Variants in CRTAC1 observed in about 807,000 individuals in gnomAD.
The protein encoded by CRTAC1 is cartilage acidic protein 1.
Under a neutral mutation model 67.8 loss-of-function variants are expected in CRTAC1, and 37 were observed. That is an observed-to-expected ratio of 0.55 (90% confidence interval 0.42 to 0.72). The LOEUF (loss-of-function observed/expected upper bound fraction) is 0.72. CRTAC1 is among the 30% of genes least tolerant of loss of function. The pLI is 0.00. For synonymous variants in CRTAC1, 348 were observed against 371.0 expected, an observed-to-expected ratio of 0.94 and a Z score of 0.71; for missense variants, 780 against 931.6, an observed-to-expected ratio of 0.84 and a Z score of 2.12.
intron 2 of CRTAC1, among the ~76,000 whole-genome samples, chr10:97,963,322 T>C (rs924907421): frequency 6.6e-6 from 1 of 152,208 alleles, no homozygotes; most frequent in African/African-American, 2.4e-5. Context: ...CCTGGGGGCT[T>C]GTTAAAAATT....
intron 12 of CRTAC1, among the ~76,000 whole-genome samples, chr10:97,883,417 C>T (rs1290446471): frequency 6.6e-6 from 1 of 152,222 alleles, no homozygotes; most frequent in Non-Finnish European, 1.5e-5. Flanking sequence ...ATATGGGGGT[C>T]TCAGAGACAG....
Position 97,884,203 on chromosome 10 carries a change from C to T in CRTAC1, c.1632+3G>A, listed in dbSNP as rs750225636. On this transcript the variant is annotated splice_donor_region_variant and intron_variant, in intron 12 of 14. Transcript: ENST00000370597. ...GCTATGAGGCCCAGATGCCTTTGCC[C>T]ACCTCCAGTGGGGCTGGGTCCTGAA... 5.1e-6 allele frequency: 8 copies of T among 1,564,502 alleles called. No homozygotes were observed. The Admixed American group carries it at 1.5e-4, about 29-fold the overall frequency.
chr10:97,964,670 G>A (rs555613027), intron 2 of CRTAC1, among the ~76,000 whole-genome samples: 10 of 152,180 alleles, frequency 6.6e-5, no homozygotes, highest in Admixed American at 1.3e-4. Context: ...TGTTATTAAC[G>A]CTGAATGTAT....
At chr10:97,893,734 G>A (rs1436010662) in intron 11 of CRTAC1, among the ~76,000 whole-genome samples, 2 of 152,024 alleles carry the variant, frequency 1.3e-5, no homozygotes, top group African/African-American at 2.4e-5. Context: ...CTTGATGATG[G>A]TCACACCCAC....
chr10:97,907,572 G>A (rs1456797253), intron 6 of CRTAC1, among the ~76,000 whole-genome samples: 1 of 152,106 alleles, frequency 6.6e-6, no homozygotes, highest in Non-Finnish European at 1.5e-5. Context: ...GTCTTAGCCT[G>A]ATTCAAGTGG....
At chr10:97,919,912 T>TG (rs57033574) in intron 4 of CRTAC1, among the ~76,000 whole-genome samples, 10,980 of 151,788 alleles carry the variant, frequency 0.072, 507 homozygotes, top group African/African-American at 0.12. Flanking sequence ...GCTAATTTTT[T>TG]TTTTTGTTTG....
Position 97,936,303 on chromosome 10 carries a change from C to T in CRTAC1, c.288G>A (p.Ala96=), listed in dbSNP as rs201779053. ...DRAQKRLVNI[A]VDERSSPYYA... is the part of the protein sequence containing the mutation. ...AGTAGGGTGAGCTGCGCTCATCGAC[C>T]GCGATGTTCACCAGCCGCTTCTGGG... Residue 96 remains alanine, a synonymous_variant, in exon 3 of 15, where the codon GCG becomes GCA. Transcript: ENST00000370597. The T allele has an allele frequency of 1.1e-4, 170 of 1,613,676 alleles. 3 individuals are homozygous for T. The highest frequency in any genetic ancestry group is 5.0e-4 in the Middle Eastern group (3 of 6,048).
intron 2 of CRTAC1, among the ~76,000 whole-genome samples, chr10:97,998,805 C>T (rs558299299): frequency 3.2e-4 from 48 of 152,090 alleles, no homozygotes; most frequent in Non-Finnish European, 6.6e-4. Context: ...AGGGCAAAGA[C>T]TAAAATACTA....
Position 97,882,793 on chromosome 10 carries a change from A to G in CRTAC1, c.1668T>C (p.His556=), listed in dbSNP as rs778803416. 1.2e-6 allele frequency: 2 copies of G among 1,614,136 alleles called. No homozygotes were observed. The highest frequency in any genetic ancestry group is 1.7e-4 in the Middle Eastern group (1 of 6,052). ...GQGFSQQENG[H]CMDTNECIQF... ...TGACTGAAGGCAACTCACCCATGCA[A>G]TGGCCATTTTCCTGCTGGGAGAATC... is the stretch of plus-strand genomic sequence containing the variant. The change falls in exon 13 of 15, where the codon CAT becomes CAC. Residue 556 remains histidine, a synonymous_variant. Transcript: ENST00000370597.
intron 2 of CRTAC1, among the ~76,000 whole-genome samples, chr10:97,946,997 T>C (rs1245499236): frequency 6.6e-6 from 1 of 152,240 alleles, no homozygotes; most frequent in Non-Finnish European, 1.5e-5. Context: ...CAAAACACTT[T>C]AAATATCTAT....
chr10:97,885,664 G>C (rs542110557), intron 11 of CRTAC1, among the ~76,000 whole-genome samples: 4 of 152,296 alleles, frequency 2.6e-5, no homozygotes, highest in Admixed American at 6.5e-5. Context: ...GCGGGGGCTG[G>C]GCCTCACCTT....
chr10:97,926,020 G>T (rs1018735054), intron 3 of CRTAC1, among the ~76,000 whole-genome samples: 2 of 152,174 alleles, frequency 1.3e-5, no homozygotes, highest in East Asian at 1.9e-4. Flanking sequence ...GTCCTCACCC[G>T]ACAGCAGGGA....
At chr10:97,921,492 C>T (rs1357289977) in intron 4 of CRTAC1, among the ~76,000 whole-genome samples, 8 of 152,156 alleles carry the variant, frequency 5.3e-5, no homozygotes, top group Admixed American at 1.3e-4. Flanking sequence ...CCTGAGTTTC[C>T]ATATCTGTCA....
chr10:98,002,934 A>T (rs929380829), intron 2 of CRTAC1, among the ~76,000 whole-genome samples: 1 of 148,612 alleles, frequency 6.7e-6, no homozygotes, highest in Non-Finnish European at 1.5e-5. Flanking sequence ...GCCCGCCACC[A>T]CACCCAGCTA....
At chr10:97,880,120 G>A (rs990138970) in intron 14 of CRTAC1, 129 bp downstream of exon 14, 4 of 1,102,598 alleles carry the variant, frequency 3.6e-6, no homozygotes, top group Non-Finnish European at 5.2e-6. Flanking sequence ...GACCCAATAT[G>A]GGTCAAAGGA....
At chr10:97,912,784 T>C (rs750812) in intron 5 of CRTAC1, among the ~76,000 whole-genome samples, 98,780 of 152,080 alleles carry the variant, frequency 0.65, 33,890 homozygotes, top group East Asian at 0.83. Flanking sequence ...AAGCATGCTC[T>C]CCAGGCCTCA....
intron 2 of CRTAC1, among the ~76,000 whole-genome samples, chr10:97,957,621 C>T (rs146252314): frequency 5.9e-5 from 9 of 152,256 alleles, no homozygotes; most frequent in South Asian, 2.1e-4. Context: ...CTAGAGCTCA[C>T]GTTCTTAACA....
intron 2 of CRTAC1, among the ~76,000 whole-genome samples, chr10:97,985,982 G>A (rs2051976024): frequency 6.6e-6 from 1 of 152,164 alleles, no homozygotes; most frequent in East Asian, 1.9e-4. Context: ...TTCCAAGCCA[G>A]AGCACCAATG....
intron 2 of CRTAC1, among the ~76,000 whole-genome samples, chr10:98,005,121 T>TTTTTTTTTTTTTTA (rs1842765220): frequency 7.3e-6 from 1 of 136,520 alleles, no homozygotes; most frequent in African/African-American, 2.7e-5. Context: ...TTTTTTTTTT[T>TTTTTTTTTTTTTTA]GAGATGGAGC....
Sources: allele counts gnomAD v4.1 joint callset (sites outside exome capture counted in the v4.1 genomes callset), GRCh38; gene constraint gnomAD v4.1.1; transcripts MANE v1.5; gene names NCBI Gene and HGNC (gene_info 2026-07-23, HGNC 2026-07-21).